The following PLS1 variants were observed in gnomAD, a reference collection of about 807,000 sequenced individuals.
PLS1 encodes plastin 1.
PLS1 carries 32 observed loss-of-function variants against 73.7 expected under a neutral mutation model. The observed-to-expected ratio is 0.43, with a 90% CI of 0.33 to 0.58. The LOEUF (loss-of-function observed/expected upper bound fraction) is 0.58, where lower values mean the gene tolerates loss of function less well. Among genes scored for constraint, PLS1 ranks in the 20% least tolerant of loss-of-function variants. PLS1 has a pLI of 0.04. For synonymous variants in PLS1, 217 were observed against 261.3 expected (o/e 0.83, Z 1.63); for missense variants, 633 against 740.5 (o/e 0.85, Z 1.68).
intron 6 of PLS1, among the ~76,000 whole-genome samples, chr3:142,682,493 C>T (rs949231477): frequency 6.6e-6 from 1 of 152,168 alleles, no homozygotes; most frequent in Non-Finnish European, 1.5e-5. Flanking sequence ...TTGGTTCTTA[C>T]TAGTATTGCA....
chr3:142,664,749 C>T (rs2037441743), intron 2 of PLS1, among the ~76,000 whole-genome samples: 1 of 152,154 alleles, frequency 6.6e-6, no homozygotes, highest in Non-Finnish European at 1.5e-5. Flanking sequence ...TTCCTTCTCC[C>T]ACATGCATAA....
intron 1 of PLS1, among the ~76,000 whole-genome samples, chr3:142,657,479 T>G (rs540791670): frequency 6.6e-6 from 1 of 152,334 alleles, no homozygotes; most frequent in East Asian, 1.9e-4. Context: ...ATAGTGTTAT[T>G]GCTGTTTTGT....
intron 1 of PLS1, among the ~76,000 whole-genome samples, chr3:142,656,087 A>G (rs1425824763): frequency 1.3e-5 from 2 of 151,946 alleles, no homozygotes; most frequent in Non-Finnish European, 2.9e-5. Flanking sequence ...TCAACCCCCC[A>G]AGTAGCTGGG....
At chr3:142,611,298 C>T (rs994832321) in intron 1 of PLS1, among the ~76,000 whole-genome samples, 3 of 152,284 alleles carry the variant, frequency 2.0e-5, no homozygotes, top group East Asian at 3.9e-4. Context: ...TTATTTTATT[C>T]TCACAAATAC....
chr3:142,618,469 GGT>G (rs571118248), intron 1 of PLS1, among the ~76,000 whole-genome samples: 86 of 152,304 alleles, frequency 5.6e-4, no homozygotes, highest in South Asian at 3.5e-3. Flanking sequence ...GTTTGATACA[GGT>G]CTTGCCAGGC....
intron 1 of PLS1, among the ~76,000 whole-genome samples, chr3:142,653,665 T>C (rs1273314404): frequency 1.3e-5 from 2 of 152,020 alleles, no homozygotes. Context: ...TGCCTGGCCC[T>C]AGCTCAGAAA....
In PLS1 at chr3:142,713,070, T is replaced by G. The variant is rs1241390104; in HGVS notation, c.*1063T>G. ...TGAATATCTTTAATAGAAAGTAACA[T>G]AAAGCTAGTATTCAATGTAGAGTAT... On this transcript the variant is annotated 3_prime_UTR_variant, in exon 16 of 16. Coordinates refer to ENST00000457734, the MANE Select transcript of PLS1 (RefSeq NM_001145319.2). 2 of 152,584 alleles carry G rather than the reference T, an allele frequency of 1.3e-5. No homozygotes were observed. The highest frequency in any genetic ancestry group is 3.9e-4 in the East Asian group (2 of 5,190). The allele number at this position is 152,584 out of a possible 1,614,324, so 9.5% of individuals were successfully genotyped here. A position where few individuals can be genotyped will look rare whatever the true frequency, so the allele number is the denominator to read the frequency against.
At chr3:142,658,851 C>A (rs556725726) in intron 1 of PLS1, among the ~76,000 whole-genome samples, 2 of 152,142 alleles carry the variant, frequency 1.3e-5, no homozygotes, top group African/African-American at 4.8e-5. Context: ...GTTAAGTAGT[C>A]ATCATTCCTT....
chr3:142,609,143 C>G (rs770811531), intron 1 of PLS1, among the ~76,000 whole-genome samples: 1 of 152,008 alleles, frequency 6.6e-6, no homozygotes, highest in Non-Finnish European at 1.5e-5. Flanking sequence ...TGTAAACTGC[C>G]CAAGATGATT....
At position 142,684,191 on chromosome 3, in the gene PLS1, T is replaced by A; in HGVS notation, c.745+20T>A. ...ATGAAGGTAAGATCATTAGAAATAT[T>A]TGCTGTTCATTGACATGTACTTGCT... On this transcript the variant is annotated intron_variant, in intron 7 of 15. Transcript: ENST00000457734. The A allele has an allele frequency of 6.2e-7, 1 of 1,613,828 alleles. No individual in the cohort carries two copies. Among genetic ancestry groups the A allele is most frequent in the South Asian group, 1.1e-5 (1 of 91,076 alleles).
At chr3:142,673,943 C>T (rs1252354941) in intron 4 of PLS1, 1 of 152,192 alleles carries the variant, frequency 6.6e-6, no homozygotes, top group Non-Finnish European at 1.5e-5. Flanking sequence ...AAAATTACAG[C>T]CATCCTAGTG....
intron 9 of PLS1, among the ~76,000 whole-genome samples, chr3:142,688,289 T>A (rs529164124): frequency 6.6e-6 from 1 of 152,280 alleles, no homozygotes; most frequent in African/African-American, 2.4e-5. Context: ...TAACTTTTCT[T>A]TGTTAATTTA....
chr3:142,624,730 C>T (rs2036384934), intron 1 of PLS1, among the ~76,000 whole-genome samples: 1 of 152,214 alleles, frequency 6.6e-6, no homozygotes, highest in African/African-American at 2.4e-5. Flanking sequence ...CCATAGAATA[C>T]TCTTGTTAGA....
chr3:142,602,873 G>A (rs575457085), intron 1 of PLS1, among the ~76,000 whole-genome samples: 8 of 152,140 alleles, frequency 5.3e-5, no homozygotes, highest in Non-Finnish European at 1.2e-4. Context: ...TTTTAGTAGA[G>A]TCGGGGTTTC....
chr3:142,685,017 T>A (rs944749266), intron 8 of PLS1, among the ~76,000 whole-genome samples: 1 of 151,598 alleles, frequency 6.6e-6, no homozygotes, highest in African/African-American at 2.4e-5. Flanking sequence ...CTTTATGTCC[T>A]CCCCCATCCT....
intron 5 of PLS1, among the ~76,000 whole-genome samples, chr3:142,676,638 G>A (rs1163719846): frequency 6.6e-6 from 1 of 152,140 alleles, no homozygotes; most frequent in East Asian, 1.9e-4. Flanking sequence ...TGGGACATGA[G>A]GAAATGTAAA....
chr3:142,626,499 T>C (rs1469916242), intron 1 of PLS1, among the ~76,000 whole-genome samples: 1 of 152,182 alleles, frequency 6.6e-6, no homozygotes, highest in Non-Finnish European at 1.5e-5. Context: ...TAAGACGATT[T>C]TTTAAATCTA....
chr3:142,597,240 C>T (rs1259209571), intron 1 of PLS1: 2 of 152,142 alleles, frequency 1.3e-5, no homozygotes, highest in Non-Finnish European at 2.9e-5. Flanking sequence ...CCTCCAGCCA[C>T]GGTGTTGGAT....
chr3:142,627,158 T>C (rs2036446702), intron 1 of PLS1, among the ~76,000 whole-genome samples: 1 of 152,240 alleles, frequency 6.6e-6, no homozygotes, highest in African/African-American at 2.4e-5. Context: ...TCTTGTCTTC[T>C]GAGTAGACAA....
Sources: gnomAD v4.1 joint callset for allele counts (sites outside exome capture counted in the v4.1 genomes callset) on GRCh38, gnomAD v4.1.1 for gene constraint, MANE v1.5 for transcripts, NCBI Gene and HGNC (gene_info 2026-07-23, HGNC 2026-07-21) for gene names.